The following NLGN1 variants were observed in gnomAD, a reference collection of about 807,000 sequenced individuals.
NLGN1 encodes neuroligin-1.
In NLGN1, 12 loss-of-function variants were observed where a neutral mutation model predicts 65.5. That is an observed-to-expected ratio of 0.18 (90% CI 0.12 to 0.30). The LOEUF (loss-of-function observed/expected upper bound fraction) is 0.30, where lower values mean the gene tolerates loss of function less well. NLGN1 is among the 10% of genes least tolerant of loss of function. NLGN1 has a pLI of 1.00. For missense variants in NLGN1, 750 were observed against 1,007.1 expected (o/e 0.74, Z 3.46); for synonymous variants, 350 against 359.5 (o/e 0.97, Z 0.30).
rs1271214959 is a variant in NLGN1 at position 173,936,759 on chromosome 3, T to C, written c.646+128927T>C. 3.2e-4 allele frequency among the ~76,000 whole-genome samples: 49 copies of C among 152,112 alleles called. 1 individual carries two copies. Among genetic ancestry groups the C allele is most frequent in the Non-Finnish European group, 5.9e-5 (4 of 67,950 alleles). On this transcript the variant is annotated intron_variant, in intron 4 of 6. Coordinates refer to ENST00000457714, the Ensembl canonical transcript of NLGN1. ...TTATAGCCGGAAACGGCAGACTTCCTTGCATCAGTTTTTCACCTGAAAATT... is the reference window on the plus strand; with the variant it reads ...TTATAGCCGGAAACGGCAGACTTCCCTGCATCAGTTTTTCACCTGAAAATT...
intron 3 of NLGN1, among the ~76,000 whole-genome samples, chr3:173,784,733 G>A (rs2150337467): frequency 6.8e-6 from 1 of 146,728 alleles, no homozygotes; most frequent in South Asian, 2.1e-4. Context: ...ATCACATGGT[G>A]TCAAAGACAT....
In NLGN1 at chr3:173,480,970, T is replaced by C. The variant is rs142530501; in HGVS notation, c.-321+45892T>C. On this transcript the variant is annotated intron_variant, in intron 2 of 6. Coordinates refer to ENST00000457714, the Ensembl canonical transcript of NLGN1. ...AATTGCATTTATCATGTGTCAGGTA[T>C]TCTTCTAAATACTTCACATACATTA... Among the ~76,000 whole-genome samples the C allele has an allele frequency of 8.7e-3, 1,326 of 152,180 alleles. 22 individuals carry two copies. Among genetic ancestry groups the C allele is most frequent in the African/African-American group, 0.031 (1,276 of 41,562 alleles).
intron 4 of NLGN1, among the ~76,000 whole-genome samples, chr3:174,078,147 A>T (rs1553928310): frequency 6.6e-6 from 1 of 152,194 alleles, no homozygotes; most frequent in Non-Finnish European, 1.5e-5. Flanking sequence ...TAGAAAAAAA[A>T]CACTAGTGAG....
chr3:173,871,620 G>A (rs1163796320), intron 4 of NLGN1, among the ~76,000 whole-genome samples: 2 of 152,176 alleles, frequency 1.3e-5, no homozygotes. Context: ...TAGCTCTACT[G>A]GTGGCTAAAT....
chr3:173,851,267 A>G (rs920706791), intron 4 of NLGN1, among the ~76,000 whole-genome samples: 4 of 152,228 alleles, frequency 2.6e-5, no homozygotes, highest in African/African-American at 7.2e-5. Flanking sequence ...TAATGAAAGT[A>G]TAAATTAAAT....
chr3:173,854,122 T>C (rs1388036260), intron 4 of NLGN1, among the ~76,000 whole-genome samples: 2 of 152,026 alleles, frequency 1.3e-5, no homozygotes, highest in African/African-American at 2.4e-5. Flanking sequence ...TCATGTTAAG[T>C]TTTTTTAAGC....
intron 4 of NLGN1, among the ~76,000 whole-genome samples, chr3:174,166,013 T>C (rs1253098117): frequency 6.6e-6 from 1 of 152,090 alleles, no homozygotes; most frequent in Non-Finnish European, 1.5e-5. Flanking sequence ...CTATGAATCT[T>C]TTGTATTTCT....
exon 2 of NLGN1, chr3:173,435,048 G>C (rs889287049): frequency 6.6e-6 from 1 of 152,612 alleles, no homozygotes; most frequent in Non-Finnish European, 1.5e-5. Flanking sequence ...CCAAATTTGT[G>C]ACAAATCCCC....
Position 174,131,668 on chromosome 3 carries a change from C to T in NLGN1, c.647-143647C>T, listed in dbSNP as rs543217461. On this transcript the variant is annotated intron_variant, in intron 4 of 6. Coordinates refer to ENST00000457714, the Ensembl canonical transcript of NLGN1. ...CTGTTTAAGTAAACTATAATCTATT[C>T]CTTAGCATTGAAGGACTCAAATCAG... is the stretch of plus-strand genomic sequence containing the variant. 5.5e-4 allele frequency among the ~76,000 whole-genome samples: 83 copies of T among 152,160 alleles called. No homozygotes were observed. The South Asian group carries it at 6.0e-3, about 11-fold the overall frequency.
intron 4 of NLGN1, among the ~76,000 whole-genome samples, chr3:174,243,338 C>G (rs1261474333): frequency 6.6e-6 from 1 of 152,050 alleles, no homozygotes; most frequent in African/African-American, 2.4e-5. Context: ...TTGTTAGGCT[C>G]GTGGGTGGGC....
At chr3:173,508,552 G>A (rs907259190) in intron 2 of NLGN1, among the ~76,000 whole-genome samples, 22 of 152,160 alleles carry the variant, frequency 1.4e-4, no homozygotes, top group African/African-American at 5.3e-4. Flanking sequence ...GAGAAAATGG[G>A]TTGGGGTAGA....
chr3:173,462,961 A>G lies in NLGN1; in HGVS notation c.-321+27883A>G, dbSNP rs184910364. Among the ~76,000 whole-genome samples, 377 of 152,194 alleles carry G rather than the reference A, an allele frequency of 2.5e-3. 2 individuals carry two copies. The highest frequency in any genetic ancestry group is 8.7e-3 in the African/African-American group (360 of 41,538). On this transcript the variant is annotated intron_variant, in intron 2 of 6. Transcript: ENST00000457714. Reference sequence around the variant, plus strand: ...TTTTCTTAGCTTCCTTCAGTCACTCACTTTTTAATTCCTCACATCTTTCTT... The same window carrying G: ...TTTTCTTAGCTTCCTTCAGTCACTCGCTTTTTAATTCCTCACATCTTTCTT...
chr3:173,768,273 A>G (rs1779059074), intron 3 of NLGN1, among the ~76,000 whole-genome samples: 1 of 152,210 alleles, frequency 6.6e-6, no homozygotes, highest in Non-Finnish European at 1.5e-5. Flanking sequence ...ATGTGAGTTC[A>G]GAGACAATCT....
intron 4 of NLGN1, among the ~76,000 whole-genome samples, chr3:174,106,022 G>A (rs780313446): frequency 5.3e-5 from 8 of 151,994 alleles, no homozygotes; most frequent in East Asian, 3.9e-4. Context: ...TACTTGACCC[G>A]GTGATAATAC....
chr3:173,499,715 T>A (rs749062326), intron 2 of NLGN1, among the ~76,000 whole-genome samples: 32 of 151,968 alleles, frequency 2.1e-4, no homozygotes, highest in Non-Finnish European at 4.6e-4. Context: ...TTTGTTTGTA[T>A]CCTCTTTTAT....
At chr3:174,084,615 A>G (rs1355763756) in intron 4 of NLGN1, among the ~76,000 whole-genome samples, 1 of 152,070 alleles carries the variant, frequency 6.6e-6, no homozygotes, top group Non-Finnish European at 1.5e-5. Flanking sequence ...AGAAGTCAAA[A>G]AATGGTAAGA....
At chr3:173,508,912 A>G (rs1349598352) in intron 2 of NLGN1, among the ~76,000 whole-genome samples, 5 of 152,016 alleles carry the variant, frequency 3.3e-5, no homozygotes, top group Non-Finnish European at 5.9e-5. Flanking sequence ...CCCTGACTCC[A>G]CTGCTCCAGC....
intron 2 of NLGN1, among the ~76,000 whole-genome samples, chr3:173,455,458 G>A (rs957287575): frequency 3.9e-5 from 6 of 152,104 alleles, no homozygotes; most frequent in African/African-American, 1.4e-4. Context: ...ATTCAGTGGG[G>A]ACAAAATATC....
intron 4 of NLGN1, among the ~76,000 whole-genome samples, chr3:173,978,703 G>A (rs1718070716): frequency 6.6e-6 from 1 of 151,412 alleles, no homozygotes; most frequent in Admixed American, 6.6e-5. Flanking sequence ...CCTGAGAATC[G>A]AGTAAAATGA....
Sources: allele counts gnomAD v4.1 joint callset (sites outside exome capture counted in the v4.1 genomes callset), GRCh38; gene constraint gnomAD v4.1.1; transcripts MANE v1.5; gene names NCBI Gene and HGNC (gene_info 2026-07-23, HGNC 2026-07-21).